Variants in STOM observed in about 807,000 individuals in gnomAD.
STOM encodes erythrocyte band 7 integral membrane protein.
In STOM, 25 loss-of-function variants were observed where a neutral mutation model predicts 30.6. The ratio of observed to expected loss-of-function variants is 0.82; its 90% confidence interval spans 0.60 to 1.14. STOM has a LOEUF of 1.14. STOM is among the 50% of genes most tolerant of loss of function. STOM has a pLI of 0.00. For missense variants in STOM, 292 were observed against 365.2 expected (o/e 0.80, Z 1.63); for synonymous variants, 118 against 130.8 (o/e 0.90, Z 0.67).
At chr9:121,367,807 T>C (rs565475141) in intron 1 of STOM, among the ~76,000 whole-genome samples, 2 of 152,370 alleles carry the variant, frequency 1.3e-5, no homozygotes, top group African/African-American at 4.8e-5. Flanking sequence ...TTTTTGTTTA[T>C]TGTCTCTCAA....
At chr9:121,347,949 G>GTT in intron 6 of STOM, 66 bp downstream of exon 6, 2 of 1,513,708 alleles carry the variant, frequency 1.3e-6, no homozygotes, top group Non-Finnish European at 1.8e-6. Flanking sequence ...CATGTTTTAC[G>GTT]TTTTTTTATA....
intron 1 of STOM, among the ~76,000 whole-genome samples, chr9:121,358,106 G>T (rs1321960822): frequency 6.6e-6 from 1 of 151,366 alleles, no homozygotes; most frequent in Non-Finnish European, 1.5e-5. Context: ...TTTGAGACTA[G>T]CTTGGGCAAC....
chr9:121,370,029 A>G, intron 1 of STOM, 98 bp downstream of exon 1: 1 of 1,160,270 alleles, frequency 8.6e-7, no homozygotes, highest in Non-Finnish European at 1.2e-6. Context: ...AGCCCGAAGC[A>G]GCGGAGACTG....
At chr9:121,360,776 G>GTT (rs199887594) in intron 1 of STOM, among the ~76,000 whole-genome samples, 1 of 151,786 alleles carries the variant, frequency 6.6e-6, no homozygotes, top group African/African-American at 2.4e-5. Flanking sequence ...GTTCAGCCCA[G>GTT]TTTTTTTTGT....
chr9:121,341,796 A>G (rs1027972584), intron 6 of STOM, among the ~76,000 whole-genome samples: 21 of 152,300 alleles, frequency 1.4e-4, no homozygotes, highest in African/African-American at 4.8e-4. Context: ...GAAAGCTGAC[A>G]GGTCATTATA....
intron 1 of STOM, among the ~76,000 whole-genome samples, chr9:121,369,471 GGAGGGTGGGGGT>G (rs1373601915): frequency 1.3e-5 from 2 of 152,094 alleles, no homozygotes; most frequent in African/African-American, 2.4e-5. Flanking sequence ...GACTGGGAAG[GGAGGGTGGGGGT>G]GAGGGTGGGA....
At chr9:121,369,391 A>AC (rs2064539070) in intron 1 of STOM, among the ~76,000 whole-genome samples, 1 of 135,046 alleles carries the variant, frequency 7.4e-6, no homozygotes, top group African/African-American at 2.8e-5. Flanking sequence ...CTTTATTGGA[A>AC]CCCCCTCCCC....
At position 121,348,000 on chromosome 9, in the gene STOM, T is replaced by TA. The variant is rs754571436; in HGVS notation, c.660+14dup. The TA allele has an allele frequency of 3.4e-5, 53 of 1,581,484 alleles. No homozygotes were observed. The highest frequency in any genetic ancestry group is 1.8e-4 in the Middle Eastern group (1 of 5,632). ...GAAAACTCAGTAAGAAAAACAAGTTTAAAAAAAAAGTTACCTTGGCGCGGG... is the reference window on the plus strand; with the variant it reads ...GAAAACTCAGTAAGAAAAACAAGTTTAAAAAAAAAAGTTACCTTGGCGCGGG... On this transcript the variant is annotated intron_variant, in intron 6 of 6. Transcript: ENST00000286713.
chr9:121,370,142 G>GT lies in STOM; in HGVS notation c.45_46insA (p.Pro16ThrfsTer10). The GT allele has an allele frequency of 6.5e-7, 1 of 1,546,372 alleles. No individual in the cohort carries two copies. Among genetic ancestry groups the GT allele is most frequent in the Non-Finnish European group, 8.7e-7 (1 of 1,146,486 alleles). ...CGGGACTCACCCTTGAAGGAGTCGG[G>GT]GAGCCGCTGGGCTTCGGAGTCCCGT... On this transcript the variant is annotated frameshift_variant, in exon 1 of 7. Transcript: ENST00000286713. LOFTEE classifies it high-confidence loss of function.
chr9:121,346,164 AT>A lies in STOM; in HGVS notation c.660+1850del, dbSNP rs1338723463. On this transcript the variant is annotated intron_variant, in intron 6 of 6. Transcript: ENST00000286713. ...ACCACCACACCAGGCTACTCTTTGT[AT>A]TTTTAGTAAGGACGGGGTTTCACCA... 2.0e-5 allele frequency among the ~76,000 whole-genome samples: 3 copies of A among 151,934 alleles called. No individual in the cohort carries two copies. In the East Asian group the frequency reaches 5.8e-4, roughly 29 times the overall value.
At chr9:121,350,618 G>A (rs980395223) in intron 4 of STOM, among the ~76,000 whole-genome samples, 1 of 152,162 alleles carries the variant, frequency 6.6e-6, no homozygotes. Flanking sequence ...GTCCCTGGAT[G>A]GCCTCTAGCA....
chr9:121,348,266 G>C, intron 5 of STOM, 117 bp from the exon 6 acceptor site: 1 of 1,425,562 alleles, frequency 7.0e-7, no homozygotes. Context: ...TGGAGAGACA[G>C]TTACCCCACG....
chr9:121,358,961 C>T (rs1245166629), intron 1 of STOM, among the ~76,000 whole-genome samples: 1 of 152,174 alleles, frequency 6.6e-6, no homozygotes, highest in Non-Finnish European at 1.5e-5. Flanking sequence ...ACTCCCATCA[C>T]CTCAGTGTTG....
At chr9:121,344,696 T>C (rs1459351733) in intron 6 of STOM, among the ~76,000 whole-genome samples, 3 of 152,198 alleles carry the variant, frequency 2.0e-5, no homozygotes, top group Non-Finnish European at 4.4e-5. Context: ...TGGTGCTACC[T>C]GTCCCTTCTG....
At chr9:121,357,452 T>TATATATATATA (rs1428744396) in intron 1 of STOM, among the ~76,000 whole-genome samples, 28 of 144,600 alleles carry the variant, frequency 1.9e-4, no homozygotes, top group East Asian at 4.1e-4. Flanking sequence ...TATTTATTTA[T>TATATATATATA]TTTTTGAGAC....
At chr9:121,346,315 T>A (rs1050963162) in intron 6 of STOM, among the ~76,000 whole-genome samples, 3 of 152,202 alleles carry the variant, frequency 2.0e-5, no homozygotes, top group African/African-American at 7.2e-5. Flanking sequence ...TAGAGCTAAC[T>A]CTAAGCAGTT....
chr9:121,349,432 G>C (rs957623892), intron 4 of STOM, 109 bp from the exon 5 acceptor site: 6 of 858,680 alleles, frequency 7.0e-6, no homozygotes, highest in African/African-American at 6.8e-5. Flanking sequence ...ATTTTCTTTA[G>C]TAAGGCATCA....
At chr9:121,363,414 T>C (rs1250448953) in intron 1 of STOM, among the ~76,000 whole-genome samples, 1 of 152,190 alleles carries the variant, frequency 6.6e-6, no homozygotes, top group Non-Finnish European at 1.5e-5. Flanking sequence ...GCCACTATGA[T>C]TCTTCATCAG....
Position 121,340,174 on chromosome 9 carries a change from T to C in STOM, c.*1028A>G. 2.0e-6 allele frequency: 2 copies of C among 985,432 alleles called. No homozygotes were observed. Among genetic ancestry groups the C allele is most frequent in the Non-Finnish European group, 2.4e-6 (2 of 829,928 alleles). 61.0% of individuals were successfully genotyped at this position (985,432 alleles called of 1,614,324 possible). A position where few individuals can be genotyped will look rare whatever the true frequency, so the allele number is the denominator to read the frequency against. On this transcript the variant is annotated 3_prime_UTR_variant, in exon 7 of 7. Coordinates refer to ENST00000286713, the MANE Select transcript of STOM (RefSeq NM_004099.6). ...AAAAAGCACTTTTGTGACAAATATT[T>C]AGCTGGTTTGAAAGACAGAACAAGG...
Sources: allele counts gnomAD v4.1 joint callset (sites outside exome capture counted in the v4.1 genomes callset), GRCh38; gene constraint gnomAD v4.1.1; transcripts MANE v1.5; gene names NCBI Gene and HGNC (gene_info 2026-07-23, HGNC 2026-07-21).